AGBL1: variants seen among roughly 807,000 people sequenced by gnomAD.
The protein encoded by AGBL1 is cytosolic carboxypeptidase 4.
Under a neutral mutation model 118.9 loss-of-function variants are expected in AGBL1, and 130 were observed. The observed-to-expected ratio is 1.09, with a 90% CI of 0.95 to 1.26. AGBL1 has a LOEUF of 1.26. Ranked by LOEUF, AGBL1 falls within the 50% of genes most tolerant of loss-of-function variation. AGBL1 has a pLI of 0.00. For missense variants in AGBL1, 1,584 were observed against 1,298.1 expected (o/e 1.22, Z -3.38); for synonymous variants, 555 against 478.9 (o/e 1.16, Z -2.08).
intron 22 of AGBL1, among the ~76,000 whole-genome samples, chr15:86,692,561 C>T (rs1252850315): frequency 2.0e-5 from 3 of 152,160 alleles, no homozygotes; most frequent in Non-Finnish European, 4.4e-5. Context: ...AATACCACAT[C>T]TCTTTCACTT....
intron 21 of AGBL1, among the ~76,000 whole-genome samples, chr15:86,557,542 T>A (rs114809953): frequency 0.035 from 5,298 of 152,232 alleles, 319 homozygotes; most frequent in African/African-American, 0.12. Flanking sequence ...TGACTCAACT[T>A]GTGTTTAAAT....
Position 86,654,669 on chromosome 15 carries a change from T to G in AGBL1, c.2995-19604T>G, listed in dbSNP as rs559759775. 4.6e-5 allele frequency among the ~76,000 whole-genome samples: 7 copies of G among 152,124 alleles called. No individual in the cohort carries two copies. The South Asian group carries it at 1.5e-3, about 32-fold the overall frequency. ...GTCAGGGTAACGTGTTGGCATCCCC[T>G]TTTGTTTCAAACCTTCTCCTATAGG... On this transcript the variant is annotated intron_variant, in intron 21 of 22. Coordinates refer to ENST00000614907, the MANE Select transcript of AGBL1 (RefSeq NM_001386094.1).
At chr15:86,985,187 A>G (rs1479071339) in intron 23 of AGBL1, among the ~76,000 whole-genome samples, 2 of 152,206 alleles carry the variant, frequency 1.3e-5, no homozygotes, top group African/African-American at 4.8e-5. Context: ...TTGTGAATAA[A>G]ACCTCTATGG....
At chr15:86,819,664 C>T (rs1415529401) in intron 22 of AGBL1, among the ~76,000 whole-genome samples, 1 of 152,116 alleles carries the variant, frequency 6.6e-6, no homozygotes, top group Non-Finnish European at 1.5e-5. Flanking sequence ...CATGGAAAAA[C>T]ATTCCATGCT....
intron 21 of AGBL1, among the ~76,000 whole-genome samples, chr15:86,624,994 T>C (rs1174772049): frequency 6.6e-6 from 1 of 152,108 alleles, no homozygotes; most frequent in East Asian, 1.9e-4. Flanking sequence ...GGATCGACAT[T>C]TTGGCAGTGC....
chr15:87,017,807 T>C (rs1409198817), intron 24 of AGBL1, among the ~76,000 whole-genome samples: 2 of 152,070 alleles, frequency 1.3e-5, no homozygotes, highest in East Asian at 3.9e-4. Context: ...GATGGCTAAA[T>C]TGACAGAAGT....
chr15:86,769,424 G>A (rs755475381), intron 22 of AGBL1, among the ~76,000 whole-genome samples: 3 of 151,770 alleles, frequency 2.0e-5, no homozygotes, highest in Non-Finnish European at 2.9e-5. Context: ...TCAGAGGACC[G>A]AGACCCTGTG....
chr15:86,843,606 A>G (rs2079277365), intron 22 of AGBL1, among the ~76,000 whole-genome samples: 1 of 152,160 alleles, frequency 6.6e-6, no homozygotes, highest in Non-Finnish European at 1.5e-5. Flanking sequence ...AAATAAGGCA[A>G]CGCCGAATGA....
chr15:86,863,893 T>C (rs1230434375), intron 22 of AGBL1, among the ~76,000 whole-genome samples: 3 of 152,228 alleles, frequency 2.0e-5, no homozygotes, highest in African/African-American at 7.2e-5. Flanking sequence ...AACCATTTCA[T>C]AGGTTTGTTA....
At chr15:86,944,907 C>T (rs534134171) in intron 23 of AGBL1, among the ~76,000 whole-genome samples, 164 of 152,146 alleles carry the variant, frequency 1.1e-3, no homozygotes, top group Non-Finnish European at 2.1e-3. Context: ...TAAATACTTA[C>T]AGTAGGACAA....
intron 5 of AGBL1, among the ~76,000 whole-genome samples, chr15:86,176,900 C>A (rs989648846): frequency 2.0e-5 from 3 of 152,136 alleles, no homozygotes; most frequent in Admixed American, 6.5e-5. Flanking sequence ...CCTTTGCTCA[C>A]CTTTTCCCTG....
At chr15:86,144,557 C>T (rs879521362) in intron 3 of AGBL1, among the ~76,000 whole-genome samples, 17 of 152,140 alleles carry the variant, frequency 1.1e-4, no homozygotes, top group Non-Finnish European at 2.2e-4. Flanking sequence ...CAAACTAAAG[C>T]AGAAACAGAA....
intron 17 of AGBL1, among the ~76,000 whole-genome samples, chr15:86,390,660 A>ATTTTTTTGTTTTTTTTTTTTTTTTTT (rs2081263762): frequency 1.3e-5 from 1 of 75,474 alleles, no homozygotes; most frequent in Non-Finnish European, 2.4e-5. Context: ...ATACTGTATG[A>ATTTTTTTGTTTTTTTTTTTTTTTTTT]TTTTTTTTTT....
At chr15:86,499,386 G>T (rs565562601) in intron 18 of AGBL1, among the ~76,000 whole-genome samples, 1 of 151,996 alleles carries the variant, frequency 6.6e-6, no homozygotes, top group South Asian at 2.1e-4. Flanking sequence ...TTTGAGAAGG[G>T]TTGGGGTCTG....
At chr15:86,657,761 G>A (rs575259470) in intron 21 of AGBL1, among the ~76,000 whole-genome samples, 15 of 152,074 alleles carry the variant, frequency 9.9e-5, no homozygotes, top group East Asian at 1.9e-4. Context: ...CACATCTCTC[G>A]TAAGTCTCCT....
intron 23 of AGBL1, among the ~76,000 whole-genome samples, chr15:86,936,425 C>G (rs971945305): frequency 6.6e-6 from 1 of 152,130 alleles, no homozygotes; most frequent in African/African-American, 2.4e-5. Flanking sequence ...TCCAAGGAAT[C>G]CAGACTCAAC....
At chr15:86,708,786 AC>A (rs35093950) in intron 22 of AGBL1, among the ~76,000 whole-genome samples, 49,453 of 151,614 alleles carry the variant, frequency 0.33, 9,568 homozygotes, top group Non-Finnish European at 0.44. Context: ...TGACAATATC[AC>A]CCTAGGCCAG....
chr15:86,322,156 T>A (rs1183969611), intron 17 of AGBL1, among the ~76,000 whole-genome samples: 2 of 151,386 alleles, frequency 1.3e-5, no homozygotes, highest in Non-Finnish European at 2.9e-5. Context: ...TATAGCCGAT[T>A]TAGGTGAAAC....
rs191845907 is a variant in AGBL1, at chr15:86,235,741, A to G, written c.526+10790A>G. Among the ~76,000 whole-genome samples the G allele has an allele frequency of 1.1e-4, 16 of 152,358 alleles. No homozygotes were observed. The East Asian group carries it at 2.5e-3, about 24-fold the overall frequency. Reference sequence around the variant, plus strand: ...AGACGGGTAAATATTTAATTATTCTATAACAGTAGTTCTCAACATGAGTGA... The same window carrying G: ...AGACGGGTAAATATTTAATTATTCTGTAACAGTAGTTCTCAACATGAGTGA... On this transcript the variant is annotated intron_variant, in intron 6 of 22. Coordinates refer to ENST00000614907, the MANE Select transcript of AGBL1 (RefSeq NM_001386094.1).
Sources: gnomAD v4.1 joint callset for allele counts (sites outside exome capture counted in the v4.1 genomes callset) on GRCh38, gnomAD v4.1.1 for gene constraint, MANE v1.5 for transcripts, NCBI Gene and HGNC (gene_info 2026-07-23, HGNC 2026-07-21) for gene names.